Variants in MMP16 observed in about 807,000 individuals in gnomAD.
MMP16 encodes matrix metallopeptidase 16, also known as matrix metalloproteinase-16.
A neutral mutation model predicts 67.8 loss-of-function variants in MMP16; 12 were observed. The observed-to-expected ratio is 0.18, with a 90% confidence interval of 0.11 to 0.29. MMP16 has a LOEUF of 0.29. MMP16 is among the 10% of genes least tolerant of loss of function. MMP16 has a pLI of 1.00. For missense variants in MMP16, 475 were observed against 765.7 expected (o/e 0.62, Z 4.48); for synonymous variants, 249 against 255.9 (o/e 0.97, Z 0.26).
intron 1 of MMP16, among the ~76,000 whole-genome samples, chr8:88,250,591 T>C (rs960343771): frequency 6.6e-6 from 1 of 151,868 alleles, no homozygotes; most frequent in Non-Finnish European, 1.5e-5. Flanking sequence ...TCATGAACAA[T>C]ATCTATCCTA....
chr8:88,200,629 C>T (rs1809328830), intron 1 of MMP16, among the ~76,000 whole-genome samples: 1 of 151,802 alleles, frequency 6.6e-6, no homozygotes, highest in Non-Finnish European at 1.5e-5. Flanking sequence ...AATGTTGTGC[C>T]AACAGATATT....
intron 4 of MMP16, among the ~76,000 whole-genome samples, chr8:88,144,699 T>C (rs1364704120): frequency 1.3e-5 from 2 of 151,950 alleles, no homozygotes; most frequent in African/African-American, 4.8e-5. Flanking sequence ...TACTATACTA[T>C]ATGAAACAAC....
intron 8 of MMP16, among the ~76,000 whole-genome samples, chr8:88,050,181 G>A (rs759074643): frequency 1.3e-5 from 2 of 152,140 alleles, no homozygotes; most frequent in Non-Finnish European, 2.9e-5. Context: ...AAATTATCTG[G>A]GCGTGGTGGC....
rs1420018010 is a variant in MMP16, at chr8:88,197,741, C to G, written c.133-435G>C. ...TATACCACATTAAAAAAGCCGTCTT[C>G]CTGAAATTGACCAGTGACTCCAGCT... On this transcript the variant is annotated intron_variant, in intron 1 of 9. Coordinates refer to ENST00000286614, the MANE Select transcript of MMP16 (RefSeq NM_005941.5). Among the ~76,000 whole-genome samples, 5 of 152,154 alleles carry G rather than the reference C, an allele frequency of 3.3e-5. No individual in the cohort carries two copies. In the East Asian group the frequency reaches 7.7e-4, roughly 23 times the overall value.
chr8:88,126,956 G>A lies in MMP16; in HGVS notation c.710-8095C>T, dbSNP rs1807942930. ...ACAATAACTACTTCTACCACTGCGA[G>A]TATTCCTGTAATCAACAAACCTTAC... On this transcript the variant is annotated intron_variant, in intron 4 of 9. Transcript: ENST00000286614. Among the ~76,000 whole-genome samples, 3 of 151,932 alleles carry A rather than the reference G, an allele frequency of 2.0e-5. No individual in the cohort carries two copies. The East Asian group carries it at 5.8e-4, about 30-fold the overall frequency.
rs571987692 is a variant in MMP16, at chr8:88,074,160, T to C, written c.1222+445A>G. On this transcript the variant is annotated intron_variant, in intron 7 of 9. Transcript: ENST00000286614. ...ATAATTGGATAATTCTAAGAATTCC[T>C]TGACTTCAGTTCTTAGTTTACTAGA... is the stretch of plus-strand genomic sequence containing the variant. Among the ~76,000 whole-genome samples the C allele has an allele frequency of 3.3e-5, 5 of 152,306 alleles. No individual in the cohort carries two copies. The South Asian group carries it at 1.0e-3, about 32-fold the overall frequency.
At chr8:88,110,490 G>A (rs545567814) in intron 6 of MMP16, among the ~76,000 whole-genome samples, 1 of 151,512 alleles carries the variant, frequency 6.6e-6, no homozygotes, top group Admixed American at 6.6e-5. Flanking sequence ...CTTGACGATT[G>A]CTCCCTTTGG....
chr8:88,305,960 G>C (rs1453139876), intron 1 of MMP16, among the ~76,000 whole-genome samples: 1 of 148,636 alleles, frequency 6.7e-6, no homozygotes, highest in Non-Finnish European at 1.5e-5. Flanking sequence ...AGGCGACAGA[G>C]ACACGAAAAG....
Position 88,159,941 on chromosome 8 carries a change from T to C in MMP16, c.709+7728A>G, listed in dbSNP as rs181873570. ...TTATATGCTGGATTACGTTTATTGA[T>C]TTGTTGTTTTTTTTTCAAATTATTT... On this transcript the variant is annotated intron_variant, in intron 4 of 9. Transcript: ENST00000286614. Among the ~76,000 whole-genome samples, 27 of 152,180 alleles carry C rather than the reference T, an allele frequency of 1.8e-4. No homozygotes were observed. In the East Asian group the frequency reaches 2.9e-3, roughly 16 times the overall value.
At chr8:88,113,848 G>A (rs189563728) in intron 6 of MMP16, among the ~76,000 whole-genome samples, 261 of 152,054 alleles carry the variant, frequency 1.7e-3, no homozygotes, top group African/African-American at 5.9e-3. Flanking sequence ...CATAGCCAGT[G>A]CCTAAAATAA....
At chr8:88,089,564 A>G (rs2118339094) in intron 6 of MMP16, among the ~76,000 whole-genome samples, 1 of 152,108 alleles carries the variant, frequency 6.6e-6, no homozygotes, top group South Asian at 2.1e-4. Context: ...TTGAAGTAGA[A>G]TGTATATAAG....
At chr8:88,137,371 C>A (rs1340965919) in intron 4 of MMP16, among the ~76,000 whole-genome samples, 1 of 151,938 alleles carries the variant, frequency 6.6e-6, no homozygotes, top group Non-Finnish European at 1.5e-5. Context: ...GAATACCGAA[C>A]CTGTACTTCT....
intron 1 of MMP16, among the ~76,000 whole-genome samples, chr8:88,211,864 G>A (rs749914087): frequency 7.9e-5 from 12 of 152,022 alleles, no homozygotes; most frequent in African/African-American, 2.4e-5. Flanking sequence ...TTTACTTACC[G>A]AAATGGTTGA....
chr8:88,238,543 A>G (rs924261078), intron 1 of MMP16, among the ~76,000 whole-genome samples: 1 of 151,596 alleles, frequency 6.6e-6, no homozygotes, highest in Admixed American at 6.6e-5. Flanking sequence ...TGGCTTGTCT[A>G]TAATCCCAGC....
chr8:88,214,774 A>C (rs904888403), intron 1 of MMP16, among the ~76,000 whole-genome samples: 6 of 152,142 alleles, frequency 3.9e-5, no homozygotes, highest in African/African-American at 1.4e-4. Flanking sequence ...TCCTCTGACA[A>C]GGATCTTAAC....
At chr8:88,302,855 C>A (rs1811126121) in intron 1 of MMP16, among the ~76,000 whole-genome samples, 1 of 152,124 alleles carries the variant, frequency 6.6e-6, no homozygotes, top group African/African-American at 2.4e-5. Context: ...AATAGCTCGA[C>A]CCATAGAGAA....
Position 88,039,305 on chromosome 8 carries a change from T to TA in MMP16, c.*2155dup, listed in dbSNP as rs1310050624. Reference sequence around the variant, plus strand: ...AAAATGATGAATTTAGACTTGAAATTATATTAAAATGAAATTAAAATTCAC... The same window carrying TA: ...AAAATGATGAATTTAGACTTGAAATTAATATTAAAATGAAATTAAAATTCAC... On this transcript the variant is annotated 3_prime_UTR_variant, in exon 10 of 10. Coordinates refer to ENST00000286614, the MANE Select transcript of MMP16 (RefSeq NM_005941.5). This position sits in a 1 kb window ranked among gnomAD's most constrained non-coding sequence, Gnocchi z 4.5. 6.6e-6 allele frequency: 1 copy of TA among 152,528 alleles called. No homozygotes were observed. The highest frequency in any genetic ancestry group is 1.9e-4 in the East Asian group (1 of 5,186). 9.4% of individuals were successfully genotyped at this position (152,528 alleles called of 1,614,324 possible).
At chr8:88,136,216 T>C (rs1420749263) in intron 4 of MMP16, among the ~76,000 whole-genome samples, 2 of 151,828 alleles carry the variant, frequency 1.3e-5, no homozygotes, top group Non-Finnish European at 2.9e-5. Context: ...ACAACTAAGA[T>C]ACAAGGATGA....
chr8:88,098,242 T>A (rs1809063608), intron 6 of MMP16, among the ~76,000 whole-genome samples: 1 of 152,030 alleles, frequency 6.6e-6, no homozygotes, highest in Non-Finnish European at 1.5e-5. Flanking sequence ...TACACTAGTA[T>A]CAATGTTTGA....
Sources: allele counts gnomAD v4.1 joint callset (sites outside exome capture counted in the v4.1 genomes callset), GRCh38; gene constraint gnomAD v4.1.1; non-coding constraint Gnocchi (gnomAD v3.1); transcripts MANE v1.5; gene names NCBI Gene and HGNC (gene_info 2026-07-23, HGNC 2026-07-21).